The following ERBB2 variants were observed in gnomAD, a reference collection of about 807,000 sequenced individuals.
ERBB2 encodes the protein erb-b2 receptor tyrosine kinase 2.
A neutral mutation model predicts 149.0 loss-of-function variants in ERBB2; 61 were observed. The observed-to-expected ratio is 0.41, with a 90% CI of 0.33 to 0.51. ERBB2 has a LOEUF of 0.51. ERBB2 is among the 20% of genes least tolerant of loss of function. The pLI is 0.25. For missense variants in ERBB2, 1,205 were observed against 1,655.1 expected (o/e 0.73, Z 4.72); for synonymous variants, 633 against 678.8 (o/e 0.93, Z 1.05).
At position 39,728,142 on chromosome 17, in the gene ERBB2, A is replaced by G. The variant is rs2059883742; in HGVS notation, c.*98A>G. Reference sequence around the variant, plus strand: ...CAAGAGGTGGGAGGGCCCTCCGACCACTTCCAGGGGAACCTGCCATGCCAG... The same window carrying G: ...CAAGAGGTGGGAGGGCCCTCCGACCGCTTCCAGGGGAACCTGCCATGCCAG... On this transcript the variant is annotated 3_prime_UTR_variant, in exon 27 of 27. Transcript: ENST00000269571. The G allele has an allele frequency of 9.9e-6, 8 of 808,720 alleles. No homozygotes were observed. The highest frequency in any genetic ancestry group is 1.3e-5 in the Non-Finnish European group (7 of 525,518). 50.1% of individuals were successfully genotyped at this position (808,720 alleles called of 1,614,324 possible).
intron 10 of ERBB2, 38 bp from the exon 11 acceptor site, chr17:39,715,408 C>A (rs1274131342): frequency 6.2e-7 from 1 of 1,613,364 alleles, no homozygotes; most frequent in South Asian, 1.1e-5. Context: ...GAGTCCTTGT[C>A]CTGTCCCCAC....
At position 39,707,073 on chromosome 17, in the gene ERBB2, T is replaced by C; in HGVS notation, c.157T>C (p.Cys53Arg). Residue 53 changes from cysteine to arginine, a missense_variant, in exon 2 of 27, where the codon TGC (cysteine) becomes CGC (arginine). Cys to Arg is a radical substitution (Grantham distance 180). Coordinates refer to ENST00000269571, the MANE Select transcript of ERBB2 (RefSeq NM_004448.4). ...LDMLRHLYQG[C>R]QVVQGNLELT... The stretch of plus-strand genomic sequence containing the variant: ...CATGCTCCGCCACCTCTACCAGGGC[T>C]GCCAGGTGGTGCAGGGAAACCTGGA... The C allele has an allele frequency of 3.1e-6, 5 of 1,607,010 alleles. No individual in the cohort carries two copies. Among genetic ancestry groups the C allele is most frequent in the Non-Finnish European group, 4.2e-6 (5 of 1,176,882 alleles).
upstream of ERBB2, among the ~76,000 whole-genome samples, chr17:39,693,093 TA>T (rs1159619642): frequency 4.6e-5 from 7 of 151,988 alleles, no homozygotes; most frequent in African/African-American, 1.7e-4. Context: ...AGAAAAAATG[TA>T]AAACAATTTC....
chr17:39,716,279 G>T (rs777029005), intron 12 of ERBB2, 22 bp from the exon 13 acceptor site: 2 of 1,559,108 alleles, frequency 1.3e-6, no homozygotes, highest in African/African-American at 2.7e-5. Context: ...AGTCCCCTGC[G>T]GTCCCTTCCT....
At chr17:39,709,925 G>T (rs769202273) in intron 5 of ERBB2, 44 bp downstream of exon 5, 94 of 1,593,972 alleles carry the variant, frequency 5.9e-5, no homozygotes, top group Non-Finnish European at 7.9e-5. Context: ...GGAGGGCTGG[G>T]GCCGGGTGGA....
At chr17:39,707,881 C>G (rs1451135218) in intron 2 of ERBB2, 1 of 158,488 alleles carries the variant, frequency 6.3e-6, no homozygotes, top group African/African-American at 2.4e-5. Flanking sequence ...GCCTATAATC[C>G]CAGCTACTTG....
rs1424970907 is a variant in ERBB2 at position 39,727,537 on chromosome 17, C to T, written c.3402C>T (p.Ser1134=). The change falls in exon 26 of 27, where the codon AGC becomes AGT. Residue 1134 remains serine (S), a synonymous_variant. Transcript: ENST00000269571. This position sits in a 1 kb window ranked among gnomAD's most constrained non-coding sequence, Gnocchi z 4.3. ...GCTACGTTGCCCCCCTGACCTGCAGCCCCCAGCCTGGTATGGAGTCCAGTC... is the reference window on the plus strand; with the variant it reads ...GCTACGTTGCCCCCCTGACCTGCAGTCCCCAGCCTGGTATGGAGTCCAGTC... ...TDGYVAPLTC[S]PQPEYVNQPD... The T allele has an allele frequency of 3.1e-6, 5 of 1,600,222 alleles. No individual in the cohort carries two copies.
intron 5 of ERBB2, 39 bp from the exon 6 acceptor site, chr17:39,710,046 AG>A: frequency 6.4e-7 from 1 of 1,555,494 alleles, no homozygotes; most frequent in Non-Finnish European, 8.8e-7. Flanking sequence ...TCTGGTGCCC[AG>A]GGCGCCACTC....
chr17:39,711,337 A>G (rs2058786691), intron 7 of ERBB2, among the ~76,000 whole-genome samples: 2 of 152,002 alleles, frequency 1.3e-5, no homozygotes, highest in African/African-American at 4.8e-5. Flanking sequence ...AACTACAGGC[A>G]TGCACCACCA....
chr17:39,725,101 G>A lies in ERBB2; in HGVS notation c.2546G>A (p.Arg849Gln), dbSNP rs1295382957. The A allele has an allele frequency of 1.9e-6, 3 of 1,614,014 alleles. No homozygotes were observed. The highest frequency in any genetic ancestry group is 2.2e-5 in the East Asian group (1 of 44,878). ...VRLVHRDLAA[R>Q]NVLVKSPNHV... ...CTCGTACACAGGGACTTGGCCGCTC[G>A]GAACGTGCTGGTCAAGAGTCCCAAC... is the stretch of plus-strand genomic sequence containing the variant. Residue 849 changes from arginine (R) to glutamine (Q), a missense_variant, in exon 21 of 27, where the codon CGG (arginine) becomes CAG (glutamine). Coordinates refer to ENST00000269571, the MANE Select transcript of ERBB2 (RefSeq NM_004448.4). This position sits in a 1 kb window ranked among gnomAD's most constrained non-coding sequence, Gnocchi z 4.6.
In ERBB2 at chr17:39,723,229, T is replaced by A; in HGVS notation, c.1947-90T>A. The A allele has an allele frequency of 1.5e-6, 2 of 1,375,170 alleles. No homozygotes were observed. The highest frequency in any genetic ancestry group is 2.0e-6 in the Non-Finnish European group (2 of 988,854). The allele number at this position is 1,375,170 out of a possible 1,614,324, so 85.2% of individuals were successfully genotyped here. A position where few individuals can be genotyped will look rare whatever the true frequency, so the allele number is the denominator to read the frequency against. ...CACCCTTCCGACTTCCCTTTCCGAA[T>A]GCCAAACACCTTCATGTCCCCCGTG... On this transcript the variant is annotated intron_variant, in intron 16 of 26. Coordinates refer to ENST00000269571, the MANE Select transcript of ERBB2 (RefSeq NM_004448.4). The surrounding 1 kb of genome is among the most constrained non-coding windows in gnomAD (Gnocchi z 6.2).
chr17:39,702,924 G>A (rs1453185865), intron 1 of ERBB2, among the ~76,000 whole-genome samples: 1 of 152,264 alleles, frequency 6.6e-6, no homozygotes, highest in Non-Finnish European at 1.5e-5. Flanking sequence ...GGTGGTTAGA[G>A]TCTTATTCCA....
chr17:39,714,159 G>A (rs1315995806), intron 9 of ERBB2, among the ~76,000 whole-genome samples: 2 of 151,862 alleles, frequency 1.3e-5, no homozygotes, highest in Admixed American at 1.3e-4. Context: ...CACCTAGACC[G>A]TTTATGCATC....
chr17:39,716,317 C>G lies in ERBB2; in HGVS notation c.1530C>G (p.Ala510=), dbSNP rs765510261. 3.8e-6 allele frequency: 6 copies of G among 1,597,374 alleles called. No individual in the cohort carries two copies. Among genetic ancestry groups the G allele is most frequent in the Non-Finnish European group, 5.1e-6 (6 of 1,173,704 alleles). The change falls in exon 13 of 27, where the codon GCC becomes GCG. Residue 510 remains alanine, a synonymous_variant. Transcript: ENST00000269571. ...PEDECVGEGL[A]CHQLCARGHC... is the part of the protein sequence containing the mutation. ...TCACTGCAGTGGGCGAGGGCCTGGCCTGCCACCAGCTGTGCGCCCGAGGGC... is the reference window on the plus strand; with the variant it reads ...TCACTGCAGTGGGCGAGGGCCTGGCGTGCCACCAGCTGTGCGCCCGAGGGC...
rs767443815 is a variant in ERBB2, at chr17:39,725,888, G to C, written c.2872+35G>C. 4.3e-6 allele frequency: 7 copies of C among 1,611,726 alleles called. No individual in the cohort carries two copies. In the East Asian group the frequency reaches 1.3e-4, roughly 31 times the overall value. On this transcript the variant is annotated intron_variant, in intron 23 of 26. Transcript: ENST00000269571. This position sits in a 1 kb window ranked among gnomAD's most constrained non-coding sequence, Gnocchi z 4.6. ...TGAGCTGTGCTGGCTGCCTGGAGGA[G>C]GGTGGGAGGTCCTGGGTGGAGGAGC...
Position 39,700,180 on chromosome 17 carries a change from C to T in ERBB2, c.-59C>T, listed in dbSNP as rs2057999577. On this transcript the variant is annotated 5_prime_UTR_variant, in exon 1 of 27. Transcript: ENST00000269571. Reference sequence around the variant, plus strand: ...CCCCACCCCTCGCAGCACCCCGCGCCCCGCGCCCTCCCAGCCGGGTCCAGC... The same window carrying T: ...CCCCACCCCTCGCAGCACCCCGCGCTCCGCGCCCTCCCAGCCGGGTCCAGC... 1.5e-6 allele frequency: 2 copies of T among 1,362,662 alleles called. No homozygotes were observed. The highest frequency in any genetic ancestry group is 1.5e-5 in the African/African-American group (1 of 65,696). 84.4% of individuals were successfully genotyped at this position (1,362,662 alleles called of 1,614,324 possible).
chr17:39,711,962 C>T lies in ERBB2; in HGVS notation c.936C>T (p.Thr312=), dbSNP rs2058825159. The change falls in exon 8 of 27, where the codon ACC becomes ACT. Residue 312 remains threonine (T), a synonymous_variant. Coordinates refer to ENST00000269571, the MANE Select transcript of ERBB2 (RefSeq NM_004448.4). ...TTTCTACGGACGTGGGATCCTGCAC[C>T]CTCGTCTGCCCCCTGCACAACCAAG... ...NYLSTDVGSC[T]LVCPLHNQEV... is the part of the protein sequence containing the mutation. The T allele has an allele frequency of 6.2e-7, 1 of 1,614,028 alleles. No individual in the cohort carries two copies. Among genetic ancestry groups the T allele is most frequent in the African/African-American group, 1.3e-5 (1 of 74,928 alleles).
chr17:39,689,444 T>C (rs1320578945), intron 2 of ERBB2, among the ~76,000 whole-genome samples: 1 of 152,238 alleles, frequency 6.6e-6, no homozygotes, highest in African/African-American at 2.4e-5. Context: ...ACTTTGCATC[T>C]TACAGATTAG....
intron 7 of ERBB2, among the ~76,000 whole-genome samples, chr17:39,711,300 T>C (rs569798305): frequency 6.6e-6 from 1 of 152,292 alleles, no homozygotes; most frequent in South Asian, 2.1e-4. Flanking sequence ...CAAGCAATTC[T>C]TGTGCCTCAG....
Sources: gnomAD v4.1 joint callset for allele counts (sites outside exome capture counted in the v4.1 genomes callset) on GRCh38, gnomAD v4.1.1 for gene constraint, Gnocchi (gnomAD v3.1) non-coding constraint, MANE v1.5 for transcripts, NCBI Gene and HGNC (gene_info 2026-07-23, HGNC 2026-07-21) for gene names.